MARCHF1: variants seen among roughly 807,000 people sequenced by gnomAD.
MARCHF1 encodes the protein membrane associated ring-CH-type finger 1, also known as E3 ubiquitin-protein ligase MARCHF1.
Under a neutral mutation model 54.2 loss-of-function variants are expected in MARCHF1, and 40 were observed. The ratio of observed to expected loss-of-function variants is 0.74; its 90% CI spans 0.57 to 0.96. MARCHF1 has a LOEUF of 0.96. MARCHF1 is among the 40% of genes least tolerant of loss of function. The probability of loss-of-function intolerance (pLI) is 0.00; values close to 1 mark genes in which losing one functional copy is unlikely to be tolerated. For synonymous variants in MARCHF1, 236 were observed against 236.3 expected (o/e 1.00, Z 0.01); for missense variants, 586 against 656.5 (o/e 0.89, Z 1.17).
intron 5 of MARCHF1, among the ~76,000 whole-genome samples, chr4:163,613,824 A>G: frequency 6.6e-6 from 1 of 152,144 alleles, no homozygotes; most frequent in East Asian, 1.9e-4. Context: ...ATACTTCCTG[A>G]AGCTAACATC....
At chr4:163,635,312 G>C (rs1403320042) in intron 5 of MARCHF1, among the ~76,000 whole-genome samples, 4,415 of 147,210 alleles carry the variant, frequency 0.03, 213 homozygotes, top group African/African-American at 0.1. Context: ...TCCAGGAGCT[G>C]GTTTTTTGAA....
chr4:163,923,302 T>C (rs1290740823), intron 3 of MARCHF1, among the ~76,000 whole-genome samples: 2 of 152,148 alleles, frequency 1.3e-5, no homozygotes, highest in African/African-American at 4.8e-5. Context: ...TCAAAATGAA[T>C]CATTAAAAAT....
rs570538673 is a variant in MARCHF1, at chr4:163,688,038, C to G, written c.162+12775G>C. 6.3e-4 allele frequency among the ~76,000 whole-genome samples: 96 copies of G among 152,164 alleles called. 1 individual carries two copies. The highest frequency in any genetic ancestry group is 2.3e-3 in the African/African-American group (95 of 41,506). ...ATTTGGCCTAGTCAATCCAAATAGGCTATGCACATTAATTATATTAACAAC... is the reference window on the plus strand; with the variant it reads ...ATTTGGCCTAGTCAATCCAAATAGGGTATGCACATTAATTATATTAACAAC... On this transcript the variant is annotated intron_variant, in intron 5 of 9. Transcript: ENST00000514618.
intron 3 of MARCHF1, among the ~76,000 whole-genome samples, chr4:163,870,055 ACACT>A (rs567894223): frequency 1.8e-3 from 280 of 152,238 alleles, no homozygotes; most frequent in African/African-American, 6.5e-3. Context: ...TAAAAATCTG[ACACT>A]CAATTTAATT....
At chr4:164,366,125 G>A (rs1730873639) in intron 1 of MARCHF1, among the ~76,000 whole-genome samples, 1 of 152,058 alleles carries the variant, frequency 6.6e-6, no homozygotes, top group Non-Finnish European at 1.5e-5. Flanking sequence ...AATCAGAAAA[G>A]TTGTGTTAAA....
intron 8 of MARCHF1, among the ~76,000 whole-genome samples, chr4:163,573,448 G>T (rs1263102180): frequency 7.0e-6 from 1 of 142,916 alleles, no homozygotes; most frequent in Non-Finnish European, 1.5e-5. Context: ...ATCTCCCAGT[G>T]CTATCCCTCC....
intron 1 of MARCHF1, among the ~76,000 whole-genome samples, chr4:164,126,907 A>G (rs1363939489): frequency 6.6e-6 from 1 of 152,164 alleles, no homozygotes; most frequent in East Asian, 1.9e-4. Context: ...TACAAAAATT[A>G]GCCCACCATG....
rs1435278101 is a variant in MARCHF1 at position 163,545,682 on chromosome 4, T to G, written c.1253A>C (p.His418Pro). ...RRKIFCSVTF[H>P]VIAITCVVWS... ...AACCACACAGGTGATCGCGATTACG[T>G]GGAATGTGACAGAGCAGAATATTTT... Residue 418 changes from histidine (H) to proline (P), a missense_variant, in exon 9 of 10, where the codon CAC (histidine) becomes CCC (proline). His to Pro is a moderately conservative substitution (Grantham distance 77). Around this residue, in one of 3 missense-constraint regions of MARCHF1, gnomAD observed 93 missense variants for 168.2 expected, o/e 0.55. Transcript: ENST00000514618. The G allele has an allele frequency of 6.2e-7, 1 of 1,614,048 alleles. No homozygotes were observed. The highest frequency in any genetic ancestry group is 1.7e-5 in the Admixed American group (1 of 60,018).
intron 1 of MARCHF1, among the ~76,000 whole-genome samples, chr4:164,333,806 T>C (rs554532832): frequency 9.8e-5 from 15 of 152,336 alleles, no homozygotes; most frequent in African/African-American, 3.4e-4. Flanking sequence ...GCTAGGTGTA[T>C]TGTGCCAAAC....
chr4:164,018,831 A>G (rs1307639400), intron 2 of MARCHF1, among the ~76,000 whole-genome samples: 2 of 152,184 alleles, frequency 1.3e-5, no homozygotes, highest in Non-Finnish European at 2.9e-5. Context: ...AATAATTTTC[A>G]TATGAAGGGC....
chr4:164,213,190 C>T (rs1427178013), intron 1 of MARCHF1, among the ~76,000 whole-genome samples: 1 of 147,532 alleles, frequency 6.8e-6, no homozygotes, highest in African/African-American at 2.5e-5. Flanking sequence ...TTACTTTTCT[C>T]TGGGCTTTTA....
chr4:164,307,197 A>G (rs563594055), intron 1 of MARCHF1, among the ~76,000 whole-genome samples: 1 of 152,294 alleles, frequency 6.6e-6, no homozygotes, highest in East Asian at 1.9e-4. Context: ...GGACCCTCAG[A>G]TACATATATA....
intron 3 of MARCHF1, chr4:163,932,951 C>A (rs1441524669): frequency 1.5e-6 from 1 of 684,086 alleles, no homozygotes; most frequent in Non-Finnish European, 2.7e-6. Flanking sequence ...TAGATAATTC[C>A]CAAGGAGCTT....
intron 3 of MARCHF1, among the ~76,000 whole-genome samples, chr4:163,984,954 C>A (rs1330481318): frequency 6.6e-6 from 1 of 152,068 alleles, no homozygotes; most frequent in Non-Finnish European, 1.5e-5. Flanking sequence ...AAAGCTTTCC[C>A]GAGAATGTGG....
chr4:164,003,426 C>T (rs899099221), intron 2 of MARCHF1, among the ~76,000 whole-genome samples: 4 of 151,928 alleles, frequency 2.6e-5, no homozygotes, highest in Non-Finnish European at 5.9e-5. Context: ...AAGCAAACTA[C>T]AGTAGTCAAC....
intron 1 of MARCHF1, among the ~76,000 whole-genome samples, chr4:164,382,993 A>G (rs1212477712): frequency 1.3e-5 from 2 of 152,214 alleles, no homozygotes; most frequent in Non-Finnish European, 2.9e-5. Flanking sequence ...CTCTGATTCC[A>G]TTCACCTGTC....
At chr4:164,352,079 T>C (rs1357723419) in intron 1 of MARCHF1, among the ~76,000 whole-genome samples, 3 of 125,092 alleles carry the variant, frequency 2.4e-5, no homozygotes, top group Middle Eastern at 3.3e-3. Flanking sequence ...TAAAAAGAAA[T>C]GAGCAAAGCC....
chr4:164,346,448 G>T (rs1730099634), intron 1 of MARCHF1, among the ~76,000 whole-genome samples: 1 of 151,914 alleles, frequency 6.6e-6, no homozygotes, highest in South Asian at 2.1e-4. Context: ...TGCACTGATT[G>T]CATATACTTA....
At chr4:163,983,196 T>C (rs896597425) in intron 3 of MARCHF1, among the ~76,000 whole-genome samples, 1 of 152,176 alleles carries the variant, frequency 6.6e-6, no homozygotes, top group Admixed American at 6.6e-5. Flanking sequence ...GGCCACATGA[T>C]CATTTTCAAG....
Sources: allele counts gnomAD v4.1 joint callset (sites outside exome capture counted in the v4.1 genomes callset), GRCh38; gene constraint gnomAD v4.1.1; regional missense constraint gnomAD v4.1.1; transcripts MANE v1.5; gene names NCBI Gene and HGNC (gene_info 2026-07-23, HGNC 2026-07-21).